The following ABI1 variants were observed in gnomAD, a reference collection of about 807,000 sequenced individuals.
The protein encoded by ABI1 is Abelson interactor 1.
ABI1 carries 14 observed loss-of-function variants against 54.6 expected under a neutral mutation model. The ratio of observed to expected loss-of-function variants is 0.26; its 90% confidence interval spans 0.17 to 0.40. ABI1 has a LOEUF of 0.40. ABI1 is among the 10% of genes least tolerant of loss of function. ABI1 has a pLI of 1.00. For synonymous variants in ABI1, 194 were observed against 209.3 expected, an observed-to-expected ratio of 0.93 and a Z score of 0.63; for missense variants, 443 against 598.3, an observed-to-expected ratio of 0.74 and a Z score of 2.71.
intron 7 of ABI1, among the ~76,000 whole-genome samples, chr10:26,760,244 T>G (rs1470283603): frequency 6.6e-6 from 1 of 152,210 alleles, no homozygotes; most frequent in Non-Finnish European, 1.5e-5. Context: ...TAAAGTTAAC[T>G]ATACTTTCCA....
chr10:26,838,713 T>C (rs1414875737), intron 1 of ABI1, among the ~76,000 whole-genome samples: 1 of 152,180 alleles, frequency 6.6e-6, no homozygotes, highest in Non-Finnish European at 1.5e-5. Context: ...AAGGATTCTG[T>C]TGCAATATGT....
rs1236331723 is a variant in ABI1 at position 26,860,299 on chromosome 10, GCCCTCTCCTCTC to G, written c.117+436_117+447del. On this transcript the variant is annotated intron_variant, in intron 1 of 10. Coordinates refer to ENST00000376140, the MANE Select transcript of ABI1 (RefSeq NM_001012750.3). This position sits in a 1 kb window ranked among gnomAD's most constrained non-coding sequence, Gnocchi z 4.1. ...CTTCTGCGGCTTCAGCCTCGTCCCTGCCCTCTCCTCTCCCCTCTCCCGTCCTGGACCTCCTCT... is the reference window on the plus strand; with the variant it reads ...CTTCTGCGGCTTCAGCCTCGTCCCTGCCCTCTCCCGTCCTGGACCTCCTCT... Among the ~76,000 whole-genome samples, 2 of 152,084 alleles carry G rather than the reference GCCCTCTCCTCTC, an allele frequency of 1.3e-5. No homozygotes were observed. Among genetic ancestry groups the G allele is most frequent in the South Asian group, 2.1e-4 (1 of 4,818 alleles).
intron 6 of ABI1, among the ~76,000 whole-genome samples, chr10:26,766,296 C>A (rs1028366208): frequency 6.6e-6 from 1 of 152,176 alleles, no homozygotes; most frequent in African/African-American, 2.4e-5. Context: ...TAGGACCTGG[C>A]TCCCTCTAGT....
chr10:26,791,534 T>C (rs1843465198), intron 2 of ABI1, among the ~76,000 whole-genome samples: 1 of 152,062 alleles, frequency 6.6e-6, no homozygotes, highest in African/African-American at 2.4e-5. Context: ...TAAATTTATA[T>C]GGGAGGGCAA....
chr10:26,798,503 C>G (rs188042493), intron 2 of ABI1, among the ~76,000 whole-genome samples: 1 of 152,024 alleles, frequency 6.6e-6, no homozygotes, highest in African/African-American at 2.4e-5. Context: ...AACAGATGCT[C>G]CCCTAGTGCT....
rs1162972948 is a variant in ABI1 at position 26,747,420 on chromosome 10, T to C, written c.*1150A>G. The C allele has an allele frequency of 2.3e-5, 5 of 219,858 alleles. No individual in the cohort carries two copies. The highest frequency in any genetic ancestry group is 2.7e-5 in the Non-Finnish European group (3 of 109,606). 13.6% of individuals were successfully genotyped at this position (219,858 alleles called of 1,614,324 possible). On this transcript the variant is annotated 3_prime_UTR_variant, in exon 11 of 11. Coordinates refer to ENST00000376140, the MANE Select transcript of ABI1 (RefSeq NM_001012750.3). ...CTGATTAATACATGACCCACCTTCTTTCCCAATTATTTTATTTTAAAATTC... is the reference window on the plus strand; with the variant it reads ...CTGATTAATACATGACCCACCTTCTCTCCCAATTATTTTATTTTAAAATTC...
intron 2 of ABI1, among the ~76,000 whole-genome samples, chr10:26,803,146 A>G (rs1270664940): frequency 6.6e-6 from 1 of 152,220 alleles, no homozygotes; most frequent in Admixed American, 6.5e-5. Context: ...CATTCCAGGC[A>G]AAGGGACTAG....
At chr10:26,757,638 A>G (rs1225567152) in intron 8 of ABI1, among the ~76,000 whole-genome samples, 2 of 152,316 alleles carry the variant, frequency 1.3e-5, no homozygotes. Context: ...AACACTTCTC[A>G]GTAGCTTTAA....
At chr10:26,816,357 T>C (rs1280334957) in intron 2 of ABI1, among the ~76,000 whole-genome samples, 2 of 152,084 alleles carry the variant, frequency 1.3e-5, no homozygotes, top group Non-Finnish European at 2.9e-5. Context: ...CAGAAGAATA[T>C]CATGAAGGCA....
intron 2 of ABI1, among the ~76,000 whole-genome samples, chr10:26,788,861 CA>C (rs1308168965): frequency 7.7e-6 from 1 of 129,506 alleles, no homozygotes; most frequent in Non-Finnish European, 1.5e-5. Flanking sequence ...TGCAGTGAGC[CA>C]AGATCACGCC....
rs60132421 is a variant in ABI1, at chr10:26,858,537, GAAAAA to G, written c.117+2205_117+2209del. 8.5e-3 allele frequency among the ~76,000 whole-genome samples: 798 copies of G among 94,174 alleles called. 3 individuals are homozygous for G. The highest frequency in any genetic ancestry group is 0.024 in the African/African-American group (651 of 27,036). The allele number at this position is 94,174 out of a possible 152,430, so 61.8% of individuals were successfully genotyped here. A position where few individuals can be genotyped will look rare whatever the true frequency, so the allele number is the denominator to read the frequency against. On this transcript the variant is annotated intron_variant, in intron 1 of 10. Transcript: ENST00000376140. The stretch of plus-strand genomic sequence containing the variant: ...ACCCCACCCCGCCCCCACAAAAAAA[GAAAAA>G]AAAAAAAAAAAAAAAAAAAAACGGG...
intron 5 of ABI1, 67 bp downstream of exon 5, chr10:26,770,178 T>G: frequency 7.5e-7 from 1 of 1,339,632 alleles, no homozygotes. Flanking sequence ...ATACACTTAC[T>G]TAAGTCACAG....
Position 26,796,241 on chromosome 10 carries a change from G to A in ABI1, c.286-19000C>T, listed in dbSNP as rs72792202. ...AAGTTTAGAGATCCATGTACAACAC[G>A]AGGACTACAGTTAATAAAACTGTAT... On this transcript the variant is annotated intron_variant, in intron 2 of 10. Transcript: ENST00000376140. Among the ~76,000 whole-genome samples the A allele has an allele frequency of 3.3e-3, 496 of 152,260 alleles. 2 individuals carry two copies. The highest frequency in any genetic ancestry group is 5.7e-3 in the Non-Finnish European group (389 of 68,026).
intron 1 of ABI1, among the ~76,000 whole-genome samples, chr10:26,856,222 G>A (rs796642512): frequency 4.5e-4 from 68 of 150,244 alleles, no homozygotes; most frequent in African/African-American, 1.6e-3. Flanking sequence ...GCAGCGAGCT[G>A]AGATCATGCC....
chr10:26,856,290 A>C (rs1230242698), intron 1 of ABI1, among the ~76,000 whole-genome samples: 3 of 149,220 alleles, frequency 2.0e-5, no homozygotes, highest in Non-Finnish European at 4.5e-5. Context: ...AAAAAAAAAA[A>C]CCCATTCAGG....
At chr10:26,852,926 G>T (rs2050512679) in intron 1 of ABI1, among the ~76,000 whole-genome samples, 1 of 151,964 alleles carries the variant, frequency 6.6e-6, no homozygotes, top group Non-Finnish European at 1.5e-5. Flanking sequence ...AAATTAGCTG[G>T]GTGTGGTCCC....
Position 26,747,333 on chromosome 10 carries a change from T to C in ABI1, c.*1237A>G, listed in dbSNP as rs1271249455. 2 of 225,584 alleles carry C rather than the reference T, an allele frequency of 8.9e-6. No individual in the cohort carries two copies. The highest frequency in any genetic ancestry group is 4.4e-5 in the African/African-American group (2 of 44,994). The allele number at this position is 225,584 out of a possible 1,614,324, so 14.0% of individuals were successfully genotyped here. On this transcript the variant is annotated 3_prime_UTR_variant, in exon 11 of 11. Coordinates refer to ENST00000376140, the MANE Select transcript of ABI1 (RefSeq NM_001012750.3). ...TAAGAGGAGACACACAAAGTGCATGTGTTGCATTTTGATTATGTCAAAAGA... is the reference window on the plus strand; with the variant it reads ...TAAGAGGAGACACACAAAGTGCATGCGTTGCATTTTGATTATGTCAAAAGA...
chr10:26,859,136 TAA>T (rs2051092815), intron 1 of ABI1, among the ~76,000 whole-genome samples: 2 of 152,178 alleles, frequency 1.3e-5, no homozygotes, highest in African/African-American at 4.8e-5. Context: ...ACTAGATTTT[TAA>T]AAGTTTTTCG....
At chr10:26,813,542 A>C (rs2047372819) in intron 2 of ABI1, among the ~76,000 whole-genome samples, 1 of 152,218 alleles carries the variant, frequency 6.6e-6, no homozygotes, top group Admixed American at 6.5e-5. Context: ...ACTAAACTGT[A>C]ATAACCACAT....
Sources: allele counts gnomAD v4.1 joint callset (sites outside exome capture counted in the v4.1 genomes callset), GRCh38; gene constraint gnomAD v4.1.1; non-coding constraint Gnocchi (gnomAD v3.1); transcripts MANE v1.5; gene names NCBI Gene and HGNC (gene_info 2026-07-23, HGNC 2026-07-21).